SVIL: variants seen among roughly 807,000 people sequenced by gnomAD.
SVIL encodes archvillin.
In SVIL, 101 loss-of-function variants were observed where a neutral mutation model predicts 240.4. That is an observed-to-expected ratio of 0.42 (90% CI 0.36 to 0.50). The LOEUF (loss-of-function observed/expected upper bound fraction) is 0.50, where lower values mean the gene tolerates loss of function less well. Among genes scored for constraint, SVIL ranks in the 20% least tolerant of loss-of-function variants. SVIL has a pLI of 0.01. For missense variants in SVIL, 2,512 were observed against 2,818.7 expected (o/e 0.89, Z 2.46); for synonymous variants, 999 against 1,100.0 (o/e 0.91, Z 1.82).
At chr10:29,656,173 G>A (rs78472650) in intron 3 of SVIL, among the ~76,000 whole-genome samples, 1,649 of 151,174 alleles carry the variant, frequency 0.011, 13 homozygotes, top group Non-Finnish European at 0.016. Context: ...CTGGCCGAGT[G>A]TGAGTGTTTT....
rs375430687 is a variant in SVIL, at chr10:29,499,277, T to C, written c.3517-14A>G. The C allele has an allele frequency of 2.4e-5, 39 of 1,614,038 alleles. No homozygotes were observed. Among genetic ancestry groups the C allele is most frequent in the Non-Finnish European group, 2.5e-5 (30 of 1,180,010 alleles). On this transcript the variant is annotated splice_polypyrimidine_tract_variant and intron_variant, in intron 17 of 37. Transcript: ENST00000355867. Reference sequence around the variant, plus strand: ...TTCTGTGACCCGCTGTTCATAAATGTACAGAAGAGAAAACAGGAGAGAGAA... The same window carrying C: ...TTCTGTGACCCGCTGTTCATAAATGCACAGAAGAGAAAACAGGAGAGAGAA...
intron 3 of SVIL, among the ~76,000 whole-genome samples, chr10:29,651,065 C>G (rs1958818089): frequency 6.6e-6 from 1 of 152,144 alleles, no homozygotes; most frequent in Non-Finnish European, 1.5e-5. Flanking sequence ...AATAACTAAA[C>G]AAAATCAAAA....
intron 1 of SVIL, among the ~76,000 whole-genome samples, chr10:29,630,557 T>G (rs1170542145): frequency 6.6e-6 from 1 of 152,030 alleles, no homozygotes; most frequent in East Asian, 1.9e-4. Context: ...GGTAAAACAC[T>G]TAGGTCAAAT....
intron 1 of SVIL, among the ~76,000 whole-genome samples, chr10:29,693,279 A>G (rs1961655470): frequency 6.8e-6 from 1 of 148,044 alleles, no homozygotes; most frequent in South Asian, 2.2e-4. Flanking sequence ...GCATGACACT[A>G]TAGGACCTCT....
intron 6 of SVIL, chr10:29,545,059 A>G (rs572565443): frequency 2.2e-5 from 12 of 534,710 alleles, no homozygotes; most frequent in African/African-American, 3.8e-5. Flanking sequence ...CCTGCCTGCT[A>G]GTGGACACGA....
chr10:29,703,376 C>T lies in SVIL; in HGVS notation c.-399-16725G>A, dbSNP rs369700626. Among the ~76,000 whole-genome samples, 8 of 152,348 alleles carry T rather than the reference C, an allele frequency of 5.3e-5. No homozygotes were observed. In the East Asian group the frequency reaches 9.6e-4, roughly 18 times the overall value. ...GCTCCAGAGATGTCAGGCCTTTCTC[C>T]TTCTCCACCACCTGGTGCCAGAAAC... On this transcript the variant is annotated intron_variant, in intron 1 of 35. Transcript: ENST00000375400.
chr10:29,609,103 T>G (rs1957137493), intron 1 of SVIL, among the ~76,000 whole-genome samples: 1 of 152,216 alleles, frequency 6.6e-6, no homozygotes, highest in Non-Finnish European at 1.5e-5. Context: ...TCCTGACAGC[T>G]GTTCTGTCAC....
intron 1 of SVIL, among the ~76,000 whole-genome samples, chr10:29,725,028 CAAAA>C (rs1187861054): frequency 4.9e-5 from 2 of 40,922 alleles, no homozygotes; most frequent in African/African-American, 9.3e-5. Context: ...GACCCGGTCT[CAAAA>C]AAAAAAAAAA....
rs1953778967 is a variant in SVIL, at chr10:29,555,075, T to G, written c.-17A>C. 1 of 1,612,912 alleles carries G rather than the reference T, an allele frequency of 6.2e-7. No individual in the cohort carries two copies. The highest frequency in any genetic ancestry group is 1.1e-5 in the South Asian group (1 of 90,950). ...CCTTTTCATTTCTAAGAATTCTTTCTTCTTTGGTTCAAAGATTTGTCTTAA... is the reference window on the plus strand; with the variant it reads ...CCTTTTCATTTCTAAGAATTCTTTCGTCTTTGGTTCAAAGATTTGTCTTAA... On this transcript the variant is annotated 5_prime_UTR_variant, in exon 4 of 38. Coordinates refer to ENST00000355867, the MANE Select transcript of SVIL (RefSeq NM_021738.3).
At chr10:29,541,442 T>A (rs956275606) in intron 6 of SVIL, among the ~76,000 whole-genome samples, 1 of 152,250 alleles carries the variant, frequency 6.6e-6, no homozygotes, top group African/African-American at 2.4e-5. Flanking sequence ...ATGTAAATTA[T>A]ACCTCATTTA....
intron 28 of SVIL, 152 bp from the exon 29 acceptor site, chr10:29,480,965 T>C (rs1489827854): frequency 7.1e-6 from 7 of 985,542 alleles, no homozygotes; most frequent in Non-Finnish European, 1.0e-5. Flanking sequence ...AGGGAAAGGC[T>C]GCATTTCCAG....
intron 1 of SVIL, among the ~76,000 whole-genome samples, chr10:29,691,514 A>G (rs1016109212): frequency 1.3e-5 from 2 of 152,148 alleles, no homozygotes; most frequent in Admixed American, 6.5e-5. Context: ...CCCAGCCCCA[A>G]TAATGAATAA....
At chr10:29,673,234 G>C (rs1959926770) in intron 2 of SVIL, among the ~76,000 whole-genome samples, 1 of 152,000 alleles carries the variant, frequency 6.6e-6, no homozygotes, top group South Asian at 2.1e-4. Flanking sequence ...TTTCTTTAGA[G>C]AATGAGTAAA....
At chr10:29,581,025 C>G (rs565821405) in intron 1 of SVIL, among the ~76,000 whole-genome samples, 1 of 152,280 alleles carries the variant, frequency 6.6e-6, no homozygotes, top group South Asian at 2.1e-4. Flanking sequence ...ACTGACATGA[C>G]TTATCAATAC....
intron 1 of SVIL, among the ~76,000 whole-genome samples, chr10:29,607,054 C>A (rs1307504101): frequency 6.6e-6 from 1 of 152,224 alleles, no homozygotes; most frequent in Non-Finnish European, 1.5e-5. Flanking sequence ...TATGCCTGGC[C>A]TACACATTGA....
At chr10:29,551,496 C>A (rs1383552380) in intron 5 of SVIL, among the ~76,000 whole-genome samples, 2 of 152,260 alleles carry the variant, frequency 1.3e-5, no homozygotes, top group Non-Finnish European at 2.9e-5. Context: ...CTGCAAGCCC[C>A]GTAAGGCGTG....
At chr10:29,480,437 C>A in intron 29 of SVIL, 100 bp downstream of exon 29, 1 of 1,469,590 alleles carries the variant, frequency 6.8e-7, no homozygotes, top group Non-Finnish European at 9.3e-7. Context: ...ACTGCACGGA[C>A]GCAGCAGAGG....
At chr10:29,661,559 C>T (rs1254384482) in intron 2 of SVIL, among the ~76,000 whole-genome samples, 2 of 152,122 alleles carry the variant, frequency 1.3e-5, no homozygotes, top group Non-Finnish European at 2.9e-5. Flanking sequence ...CTTGACCTTT[C>T]CAAGGCATTT....
intron 1 of SVIL, among the ~76,000 whole-genome samples, chr10:29,721,431 G>A (rs1963972906): frequency 6.6e-6 from 1 of 151,704 alleles, no homozygotes; most frequent in Non-Finnish European, 1.5e-5. Flanking sequence ...TTTTCATATT[G>A]GGGAAAAAAG....
Sources: gnomAD v4.1 joint callset for allele counts (sites outside exome capture counted in the v4.1 genomes callset) on GRCh38, gnomAD v4.1.1 for gene constraint, MANE v1.5 for transcripts, NCBI Gene and HGNC (gene_info 2026-07-23, HGNC 2026-07-21) for gene names.